Variants in PDZD2 observed in about 807,000 individuals in gnomAD.
PDZD2 encodes the protein PDZ domain-containing protein 2.
PDZD2 carries 90 observed loss-of-function variants against 220.7 expected under a neutral mutation model. The ratio of observed to expected loss-of-function variants is 0.41; its 90% CI spans 0.34 to 0.49. The LOEUF (loss-of-function observed/expected upper bound fraction) is 0.49. Ranked by LOEUF, PDZD2 falls within the 20% of genes least tolerant of loss-of-function variation. The probability of loss-of-function intolerance (pLI) is 0.28; values close to 1 mark genes in which losing one functional copy is unlikely to be tolerated. For synonymous variants in PDZD2, 1,375 were observed against 1,450.5 expected (o/e 0.95, Z 1.18); for missense variants, 3,174 against 3,608.5 (o/e 0.88, Z 3.08).
chr5:31,947,752 G>A (rs1746774562), intron 2 of PDZD2, among the ~76,000 whole-genome samples: 1 of 152,186 alleles, frequency 6.6e-6, no homozygotes, highest in African/African-American at 2.4e-5. Context: ...GGGAGGTGGA[G>A]GTTGCAGTGA....
rs1334731442 is a variant in PDZD2 at position 31,795,512 on chromosome 5, C to A, written c.-360-3377C>A. 2.0e-5 allele frequency among the ~76,000 whole-genome samples: 3 copies of A among 152,168 alleles called. No homozygotes were observed. The East Asian group carries it at 5.8e-4, about 29-fold the overall frequency. On this transcript the variant is annotated intron_variant, in intron 1 of 24. Coordinates refer to ENST00000438447, the MANE Select transcript of PDZD2 (RefSeq NM_178140.4). Reference sequence around the variant, plus strand: ...AAATGGACTGGGCTGTTGCAGTGAACCTCCATGTCCAAAAATTGTGCTCAC... The same window carrying A: ...AAATGGACTGGGCTGTTGCAGTGAAACTCCATGTCCAAAAATTGTGCTCAC...
At chr5:32,030,301 T>C (rs1397922176) in intron 6 of PDZD2, among the ~76,000 whole-genome samples, 1 of 152,230 alleles carries the variant, frequency 6.6e-6, no homozygotes, top group Non-Finnish European at 1.5e-5. Flanking sequence ...GACCTTCTGT[T>C]GATGATTCTA....
At chr5:31,727,207 A>G (rs1271815959) in intron 1 of PDZD2, among the ~76,000 whole-genome samples, 1 of 152,228 alleles carries the variant, frequency 6.6e-6, no homozygotes, top group Non-Finnish European at 1.5e-5. Flanking sequence ...CAAATATCCA[A>G]GCTATCTGAA....
In PDZD2 at chr5:32,098,343, C is replaced by G. The variant is rs760777686; in HGVS notation, c.7948-21C>G. ...CGTAAGTGGATCTGGTTTTTGTTCC[C>G]TTTTCCTTTCCTCATCCCAGGTCCA... On this transcript the variant is annotated intron_variant, in intron 22 of 24. Transcript: ENST00000438447. This position sits in a 1 kb window ranked among gnomAD's most constrained non-coding sequence, Gnocchi z 4.1. 6.2e-7 allele frequency: 1 copy of G among 1,608,870 alleles called. No individual in the cohort carries two copies. The highest frequency in any genetic ancestry group is 8.5e-7 in the Non-Finnish European group (1 of 1,177,296).
At chr5:31,871,553 T>G (rs565484578) in intron 2 of PDZD2, among the ~76,000 whole-genome samples, 2 of 151,676 alleles carry the variant, frequency 1.3e-5, no homozygotes, top group Admixed American at 1.3e-4. Context: ...CTGGGTCAAG[T>G]GATTCTCCTG....
At chr5:31,857,143 A>G (rs1303807366) in intron 2 of PDZD2, among the ~76,000 whole-genome samples, 1 of 151,808 alleles carries the variant, frequency 6.6e-6, no homozygotes, top group Non-Finnish European at 1.5e-5. Flanking sequence ...GAGTCACCAC[A>G]CTCAGCCTCA....
chr5:32,082,707 C>CGTGT (rs1441273653), intron 19 of PDZD2, among the ~76,000 whole-genome samples: 1 of 152,062 alleles, frequency 6.6e-6, no homozygotes, highest in African/African-American at 2.4e-5. Flanking sequence ...CAGTAAGATA[C>CGTGT]GTGTGTGTGT....
At chr5:31,727,785 G>A (rs898387486) in intron 1 of PDZD2, among the ~76,000 whole-genome samples, 3 of 151,426 alleles carry the variant, frequency 2.0e-5, no homozygotes, top group Non-Finnish European at 2.9e-5. Context: ...GGCGGATCAC[G>A]AGGTCAGGAG....
At chr5:32,044,422 G>A (rs1157981164) in intron 7 of PDZD2, among the ~76,000 whole-genome samples, 1 of 152,112 alleles carries the variant, frequency 6.6e-6, no homozygotes, top group Admixed American at 6.6e-5. Flanking sequence ...AGGCACATAC[G>A]AGAGGTACAG....
chr5:31,887,210 A>T (rs929171413), intron 2 of PDZD2, among the ~76,000 whole-genome samples: 1 of 152,212 alleles, frequency 6.6e-6, no homozygotes, highest in African/African-American at 2.4e-5. Flanking sequence ...CACACTTGGT[A>T]GGCTCTAGGG....
At chr5:31,989,014 T>C (rs941856377) in intron 3 of PDZD2, among the ~76,000 whole-genome samples, 4 of 152,228 alleles carry the variant, frequency 2.6e-5, no homozygotes, top group African/African-American at 9.6e-5. Flanking sequence ...TGGCTCATCG[T>C]GTCCCCAGTA....
chr5:31,860,799 T>C (rs1000189477), intron 2 of PDZD2, among the ~76,000 whole-genome samples: 1 of 152,216 alleles, frequency 6.6e-6, no homozygotes. Context: ...TGAACATATT[T>C]GATGCTATGA....
intron 24 of PDZD2, chr5:32,104,077 C>T (rs950237089): frequency 3.9e-5 from 6 of 152,150 alleles, no homozygotes; most frequent in African/African-American, 7.2e-5. Flanking sequence ...GAGTATGATA[C>T]GGCAGATCCC....
intron 1 of PDZD2, among the ~76,000 whole-genome samples, chr5:31,678,764 AC>A (rs1332584622): frequency 6.6e-6 from 1 of 151,926 alleles, no homozygotes; most frequent in Non-Finnish European, 1.5e-5. Context: ...TCGCCACCAC[AC>A]CTGGCTAATT....
Position 32,088,424 on chromosome 5 carries a change from G to A in PDZD2, c.4976G>A (p.Gly1659Asp). The change falls in exon 20 of 25, where the codon GGC (glycine) becomes GAC (aspartate). Residue 1659 changes from glycine to aspartate, a missense_variant. Physicochemically the swap from Gly to Asp is moderately conservative, Grantham distance 94 (BLOSUM62 -1). Transcript: ENST00000438447. This position sits in a 1 kb window ranked among gnomAD's most constrained non-coding sequence, Gnocchi z 4.6. ...AACLPGSYTS[G>D]PDSSQPSSLL... Reference sequence around the variant, plus strand: ...TGCTTGCCAGGCTCATACACTTCAGGCCCAGACTCTTCCCAGCCATCATCA... The same window carrying A: ...TGCTTGCCAGGCTCATACACTTCAGACCCAGACTCTTCCCAGCCATCATCA... The A allele has an allele frequency of 6.2e-7, 1 of 1,613,902 alleles. No homozygotes were observed. Among genetic ancestry groups the A allele is most frequent in the Non-Finnish European group, 8.5e-7 (1 of 1,179,942 alleles).
chr5:31,760,897 G>A (rs1751598717), intron 1 of PDZD2, among the ~76,000 whole-genome samples: 1 of 152,134 alleles, frequency 6.6e-6, no homozygotes, highest in Non-Finnish European at 1.5e-5. Flanking sequence ...ACTCCAGCCT[G>A]GGCGATGAGA....
rs1745109072 is a variant in PDZD2 at position 32,109,065 on chromosome 5, T to G, written c.*930T>G. 1 of 152,558 alleles carries G rather than the reference T, an allele frequency of 6.6e-6. No individual in the cohort carries two copies. Among genetic ancestry groups the G allele is most frequent in the South Asian group, 2.1e-4 (1 of 4,824 alleles). The allele number at this position is 152,558 out of a possible 1,614,324, so 9.5% of individuals were successfully genotyped here. A position where few individuals can be genotyped will look rare whatever the true frequency, so the allele number is the denominator to read the frequency against. ...AGTCAGTCAGTCACTGGGTTTCCAT[T>G]TCTGAATTTTATGCACTCCAACCAT... On this transcript the variant is annotated 3_prime_UTR_variant, in exon 25 of 25. Coordinates refer to ENST00000438447, the MANE Select transcript of PDZD2 (RefSeq NM_178140.4).
chr5:31,687,949 G>A lies in PDZD2; in HGVS notation c.-361+48512G>A, dbSNP rs184563090. On this transcript the variant is annotated intron_variant, in intron 1 of 24. Coordinates refer to ENST00000438447, the MANE Select transcript of PDZD2 (RefSeq NM_178140.4). ...GGGCTTAAGCATATGAATTCCAGGG[G>A]ACACAGTTCAGGCCATAGCAATATT... Among the ~76,000 whole-genome samples, 541 of 152,246 alleles carry A rather than the reference G, an allele frequency of 3.6e-3. 3 individuals are homozygous for A. The highest frequency in any genetic ancestry group is 0.012 in the African/African-American group (512 of 41,550).
chr5:32,058,781 G>A (rs1581395377), intron 12 of PDZD2, among the ~76,000 whole-genome samples: 1 of 151,880 alleles, frequency 6.6e-6, no homozygotes, highest in Admixed American at 6.6e-5. Context: ...CTAGTAACTA[G>A]AATTCATGCG....
Sources: gnomAD v4.1 joint callset for allele counts (sites outside exome capture counted in the v4.1 genomes callset) on GRCh38, gnomAD v4.1.1 for gene constraint, Gnocchi (gnomAD v3.1) non-coding constraint, MANE v1.5 for transcripts, NCBI Gene and HGNC (gene_info 2026-07-23, HGNC 2026-07-21) for gene names.